The following PARD3B variants were observed in gnomAD, a reference collection of about 807,000 sequenced individuals.
PARD3B encodes par-3 family cell polarity regulator beta.
Under a neutral mutation model 130.2 loss-of-function variants are expected in PARD3B, and 103 were observed. The observed-to-expected ratio is 0.79, with a 90% confidence interval of 0.67 to 0.93. The LOEUF (loss-of-function observed/expected upper bound fraction) is 0.93. Ranked by LOEUF, PARD3B falls within the 40% of genes least tolerant of loss-of-function variation. The pLI is 0.00. For missense variants in PARD3B, 1,609 were observed against 1,499.2 expected (o/e 1.07, Z -1.21); for synonymous variants, 583 against 553.2 (o/e 1.05, Z -0.76).
chr2:204,577,769 T>C (rs1403582132), intron 1 of PARD3B, among the ~76,000 whole-genome samples: 1 of 152,124 alleles, frequency 6.6e-6, no homozygotes, highest in African/African-American at 2.4e-5. Flanking sequence ...CTTTTCTTTA[T>C]GTTTCTCATG....
At chr2:204,850,325 G>C (rs974364502) in intron 2 of PARD3B, among the ~76,000 whole-genome samples, 2 of 152,076 alleles carry the variant, frequency 1.3e-5, no homozygotes, top group Non-Finnish European at 2.9e-5. Flanking sequence ...TCTTCCAAAA[G>C]AGAAGAAGTA....
chr2:204,631,717 G>A (rs1269300994), intron 1 of PARD3B, among the ~76,000 whole-genome samples: 1 of 152,164 alleles, frequency 6.6e-6, no homozygotes, highest in Non-Finnish European at 1.5e-5. Context: ...GTGTACTTCA[G>A]TGTTTTTTTG....
Position 205,021,938 on chromosome 2 carries a change from A to G in PARD3B, c.395-25643A>G, listed in dbSNP as rs1430492350. ...TTTATTAGGAGAAAATGGAAAAGAAAATCCAAATACTCCAAAAAATCCAAT... is the reference window on the plus strand; with the variant it reads ...TTTATTAGGAGAAAATGGAAAAGAAGATCCAAATACTCCAAAAAATCCAAT... On this transcript the variant is annotated intron_variant, in intron 3 of 22. Transcript: ENST00000406610. This position sits in a 1 kb window ranked among gnomAD's most constrained non-coding sequence, Gnocchi z 4.5. 1.3e-5 allele frequency among the ~76,000 whole-genome samples: 2 copies of G among 152,108 alleles called. No homozygotes were observed. Among genetic ancestry groups the G allele is most frequent in the Non-Finnish European group, 2.9e-5 (2 of 68,022 alleles).
At position 205,288,243 on chromosome 2, in the gene PARD3B, G is replaced by A. The variant is rs545936256; in HGVS notation, c.2186-12287G>A. Reference sequence around the variant, plus strand: ...ACCCTGAGCACCTCCTGGCTCCCAAGTGCATTAAGATATGTTCCTGCACCC... The same window carrying A: ...ACCCTGAGCACCTCCTGGCTCCCAAATGCATTAAGATATGTTCCTGCACCC... On this transcript the variant is annotated intron_variant, in intron 16 of 22. Coordinates refer to ENST00000406610, the MANE Select transcript of PARD3B (RefSeq NM_001302769.2). The surrounding 1 kb of genome is among the most constrained non-coding windows in gnomAD (Gnocchi z 4.0). 8.0e-4 allele frequency among the ~76,000 whole-genome samples: 122 copies of A among 152,080 alleles called. No individual in the cohort carries two copies. The highest frequency in any genetic ancestry group is 2.9e-3 in the African/African-American group (119 of 41,498).
intron 2 of PARD3B, among the ~76,000 whole-genome samples, chr2:204,881,453 G>T (rs1311994540): frequency 6.6e-6 from 1 of 150,872 alleles, no homozygotes; most frequent in Non-Finnish European, 1.5e-5. Flanking sequence ...TTAAATTTTT[G>T]CTTAATAAGA....
intron 3 of PARD3B, among the ~76,000 whole-genome samples, chr2:204,982,368 C>A (rs554574322): frequency 6.6e-6 from 1 of 152,298 alleles, no homozygotes; most frequent in South Asian, 2.1e-4. Context: ...AACTCACAGA[C>A]GACCAAGTTC....
chr2:205,316,863 A>G (rs2042581206), intron 18 of PARD3B, among the ~76,000 whole-genome samples: 1 of 152,208 alleles, frequency 6.6e-6, no homozygotes, highest in Non-Finnish European at 1.5e-5. Flanking sequence ...CTAAGTACAC[A>G]GCAAGCATGT....
chr2:205,184,591 A>G (rs1340407001), intron 13 of PARD3B, among the ~76,000 whole-genome samples: 1 of 151,930 alleles, frequency 6.6e-6, no homozygotes, highest in Non-Finnish European at 1.5e-5. Context: ...AAATACAAAA[A>G]ATTAGCCAGG....
At chr2:204,733,963 C>T (rs1320918056) in intron 2 of PARD3B, among the ~76,000 whole-genome samples, 2 of 152,088 alleles carry the variant, frequency 1.3e-5, no homozygotes, top group African/African-American at 2.4e-5. Context: ...CATACCTGAA[C>T]TGCAGAAGAA....
At chr2:205,271,354 T>C (rs759497659) in intron 16 of PARD3B, among the ~76,000 whole-genome samples, 1 of 152,226 alleles carries the variant, frequency 6.6e-6, no homozygotes, top group Non-Finnish European at 1.5e-5. Context: ...TGGATGATGG[T>C]GGGACACCCC....
chr2:205,142,515 T>C lies in PARD3B; in HGVS notation c.1435-16207T>C, dbSNP rs1417555129. On this transcript the variant is annotated intron_variant, in intron 10 of 22. Transcript: ENST00000406610. This position sits in a 1 kb window ranked among gnomAD's most constrained non-coding sequence, Gnocchi z 4.3. ...TAGATGCATACATTCTGCTGGATGCTAAACAGGAATCAAAGTTGAATTAAA... is the reference window on the plus strand; with the variant it reads ...TAGATGCATACATTCTGCTGGATGCCAAACAGGAATCAAAGTTGAATTAAA... Among the ~76,000 whole-genome samples, 1 of 151,996 alleles carries C rather than the reference T, an allele frequency of 6.6e-6. No homozygotes were observed. Among genetic ancestry groups the C allele is most frequent in the Non-Finnish European group, 1.5e-5 (1 of 68,012 alleles).
chr2:205,055,910 T>C (rs2125438706), intron 4 of PARD3B, among the ~76,000 whole-genome samples: 1 of 152,318 alleles, frequency 6.6e-6, no homozygotes, highest in Non-Finnish European at 1.5e-5. Context: ...CATATGCGTA[T>C]GTGTGTACCC....
intron 22 of PARD3B, among the ~76,000 whole-genome samples, chr2:205,577,817 A>G (rs965904925): frequency 3.3e-5 from 5 of 152,212 alleles, no homozygotes; most frequent in Admixed American, 6.5e-5. Flanking sequence ...TAAAGCTACC[A>G]AAGTAACTTC....
intron 2 of PARD3B, among the ~76,000 whole-genome samples, chr2:204,746,631 C>T (rs1426041543): frequency 6.6e-6 from 1 of 152,174 alleles, no homozygotes; most frequent in Admixed American, 6.5e-5. Flanking sequence ...TCCACATCCT[C>T]TCCAGCACCT....
chr2:205,175,476 G>A (rs565588974), intron 12 of PARD3B, among the ~76,000 whole-genome samples: 1 of 152,202 alleles, frequency 6.6e-6, no homozygotes, highest in Non-Finnish European at 1.5e-5. Flanking sequence ...GATATTTTGT[G>A]TGACTAGCTC....
intron 22 of PARD3B, among the ~76,000 whole-genome samples, chr2:205,610,257 G>A (rs757664321): frequency 2.9e-4 from 44 of 152,150 alleles, no homozygotes; most frequent in Non-Finnish European, 4.7e-4. Context: ...CCTCGGGTTC[G>A]TGTTCATCAG....
chr2:205,173,762 G>A (rs1284721860), intron 12 of PARD3B, among the ~76,000 whole-genome samples: 11 of 152,076 alleles, frequency 7.2e-5, no homozygotes, highest in Admixed American at 2.6e-4. Flanking sequence ...TATTTAATGG[G>A]CTTTACTTAT....
At chr2:205,254,669 A>AT (rs1410548243) in intron 16 of PARD3B, among the ~76,000 whole-genome samples, 5,296 of 141,838 alleles carry the variant, frequency 0.037, 281 homozygotes, top group African/African-American at 0.12. Flanking sequence ...ATTTTATTTT[A>AT]TTTTTTTTTT....
chr2:205,485,744 C>T (rs1466305596), intron 20 of PARD3B, among the ~76,000 whole-genome samples: 6 of 152,126 alleles, frequency 3.9e-5, no homozygotes, highest in Non-Finnish European at 8.8e-5. Flanking sequence ...CACACTTGTG[C>T]GGTGCCTGAC....
Sources: gnomAD v4.1 joint callset for allele counts (sites outside exome capture counted in the v4.1 genomes callset) on GRCh38, gnomAD v4.1.1 for gene constraint, Gnocchi (gnomAD v3.1) non-coding constraint, MANE v1.5 for transcripts, NCBI Gene and HGNC (gene_info 2026-07-23, HGNC 2026-07-21) for gene names.